CCDC178: variants seen among roughly 807,000 people sequenced by gnomAD.
The protein encoded by CCDC178 is coiled-coil domain-containing protein 178.
Under a neutral mutation model 117.4 loss-of-function variants are expected in CCDC178, and 126 were observed. The observed-to-expected ratio is 1.07, with a 90% CI of 0.93 to 1.24. The LOEUF (loss-of-function observed/expected upper bound fraction) is 1.24. Among genes scored for constraint, CCDC178 ranks in the 50% most tolerant of loss-of-function variants. The probability of loss-of-function intolerance (pLI) is 0.00; values close to 1 mark genes in which losing one functional copy is unlikely to be tolerated. For missense variants in CCDC178, 1,030 were observed against 986.9 expected, an observed-to-expected ratio of 1.04 and a Z score of -0.59; for synonymous variants, 283 against 313.4, an observed-to-expected ratio of 0.90 and a Z score of 1.02.
chr18:33,266,991 G>A lies in CCDC178; in HGVS notation c.1334C>T (p.Ala445Val). Residue 445 changes from alanine to valine, a missense_variant, in exon 14 of 23, where the codon GCA becomes GTA. Physicochemically the swap from Ala to Val is moderately conservative, Grantham distance 64. Transcript: ENST00000383096. ...VAKDFSAISLACTKLTEDNKK... is the reference protein window; with the variant it reads ...VAKDFSAISLVCTKLTEDNKK... The stretch of plus-strand genomic sequence containing the variant: ...ATTGTCTTCCGTCAGTTTTGTACAT[G>A]CCAAAGAAATAGCTGAAAAATCTTT... 1 of 1,601,530 alleles carries A rather than the reference G, an allele frequency of 6.2e-7. No homozygotes were observed. The highest frequency in any genetic ancestry group is 8.5e-7 in the Non-Finnish European group (1 of 1,176,382).
chr18:33,078,650 G>C (rs1156751996), intron 21 of CCDC178, among the ~76,000 whole-genome samples: 3 of 152,070 alleles, frequency 2.0e-5, no homozygotes, highest in African/African-American at 7.2e-5. Flanking sequence ...GCCATGCTGA[G>C]AGCCAAATCA....
At chr18:33,164,629 G>A (rs1402199002) in intron 20 of CCDC178, among the ~76,000 whole-genome samples, 3 of 151,768 alleles carry the variant, frequency 2.0e-5, no homozygotes, top group East Asian at 1.9e-4. Context: ...AAGAAGGGCA[G>A]TGTTTAACAT....
chr18:33,167,507 T>C (rs2058547321), intron 20 of CCDC178, among the ~76,000 whole-genome samples: 1 of 152,164 alleles, frequency 6.6e-6, no homozygotes, highest in Non-Finnish European at 1.5e-5. Context: ...ATTTCTCTAA[T>C]GACTAGTGAT....
intron 20 of CCDC178, among the ~76,000 whole-genome samples, chr18:33,125,597 C>T (rs182395846): frequency 1.3e-5 from 2 of 152,234 alleles, no homozygotes; most frequent in Admixed American, 6.5e-5. Flanking sequence ...TTGAGTGTCT[C>T]CTCTGGCTGT....
intron 9 of CCDC178, among the ~76,000 whole-genome samples, chr18:33,337,327 A>G (rs2062754026): frequency 6.6e-6 from 1 of 152,016 alleles, no homozygotes; most frequent in South Asian, 2.1e-4. Flanking sequence ...AAGGTTTTCT[A>G]TGTATACGCT....
intron 11 of CCDC178, among the ~76,000 whole-genome samples, chr18:33,299,502 A>AACACAC (rs71159812): frequency 0.062 from 8,991 of 146,004 alleles, 293 homozygotes; most frequent in Middle Eastern, 0.076. Flanking sequence ...AACTAGTATA[A>AACACAC]ACACACACAC....
At chr18:33,304,944 T>C (rs893307367) in intron 11 of CCDC178, among the ~76,000 whole-genome samples, 3 of 152,186 alleles carry the variant, frequency 2.0e-5, no homozygotes, top group African/African-American at 7.2e-5. Flanking sequence ...TTCAACCTCT[T>C]CATTTTTGCT....
chr18:33,124,373 G>A (rs915316370), intron 20 of CCDC178, among the ~76,000 whole-genome samples: 3 of 152,118 alleles, frequency 2.0e-5, no homozygotes, highest in Admixed American at 1.3e-4. Context: ...TCCTGATTCC[G>A]GGGCCATGGG....
intron 20 of CCDC178, among the ~76,000 whole-genome samples, chr18:33,118,610 A>C (rs1415326850): frequency 6.6e-6 from 1 of 152,186 alleles, no homozygotes; most frequent in African/African-American, 2.4e-5. Context: ...GAAAATGGCC[A>C]TACTGCCCAA....
chr18:33,154,948 TTG>T (rs940650576), intron 20 of CCDC178, among the ~76,000 whole-genome samples: 2 of 152,096 alleles, frequency 1.3e-5, no homozygotes. Flanking sequence ...TCAACACCTC[TTG>T]TCCAGTAATT....
intron 21 of CCDC178, among the ~76,000 whole-genome samples, chr18:33,008,197 C>T (rs1045196773): frequency 3.3e-5 from 5 of 152,130 alleles, no homozygotes; most frequent in African/African-American, 1.2e-4. Context: ...TTTCAATCCC[C>T]AAGCCAATAC....
At chr18:33,274,363 A>G (rs906203706) in intron 12 of CCDC178, among the ~76,000 whole-genome samples, 4 of 151,992 alleles carry the variant, frequency 2.6e-5, no homozygotes, top group Non-Finnish European at 5.9e-5. Flanking sequence ...TCAAAATGTT[A>G]AACATAGAAC....
At chr18:32,990,768 T>C (rs1819810438) in intron 21 of CCDC178, among the ~76,000 whole-genome samples, 1 of 151,968 alleles carries the variant, frequency 6.6e-6, no homozygotes, top group South Asian at 2.1e-4. Flanking sequence ...ATTTGCTACA[T>C]ATATAATCAA....
At position 32,948,842 on chromosome 18, in the gene CCDC178, C is replaced by T. The variant is rs148879563; in HGVS notation, c.2524-10751G>A. 5.3e-5 allele frequency among the ~76,000 whole-genome samples: 8 copies of T among 152,056 alleles called. No homozygotes were observed. The East Asian group carries it at 1.5e-3, about 29-fold the overall frequency. ...CCTTCATGTCATTATCATTTGGGAG[C>T]CAATCATTCGCTTCAGGAGACCTGT... On this transcript the variant is annotated intron_variant, in intron 22 of 22. Coordinates refer to ENST00000383096, the MANE Select transcript of CCDC178 (RefSeq NM_001105528.4).
intron 20 of CCDC178, among the ~76,000 whole-genome samples, chr18:33,094,977 TGTTTAA>T (rs1318148108): frequency 3.3e-5 from 5 of 151,994 alleles, no homozygotes; most frequent in Non-Finnish European, 5.9e-5. Context: ...ACACTGAAAA[TGTTTAA>T]GTTTAATTGA....
intron 2 of CCDC178, among the ~76,000 whole-genome samples, chr18:33,427,690 A>G (rs765987540): frequency 5.7e-4 from 87 of 152,300 alleles, no homozygotes; most frequent in Non-Finnish European, 1.1e-3. Flanking sequence ...ATATAAATCA[A>G]ATTAGAACTC....
At chr18:33,105,845 G>GAACACAGCT (rs2145116261) in intron 20 of CCDC178, among the ~76,000 whole-genome samples, 1 of 151,480 alleles carries the variant, frequency 6.6e-6, no homozygotes, top group South Asian at 2.1e-4. Flanking sequence ...TTGCTAAGCT[G>GAACACAGCT]TGTTCTCACA....
chr18:33,419,415 C>T (rs893181420), intron 2 of CCDC178, among the ~76,000 whole-genome samples: 3 of 152,140 alleles, frequency 2.0e-5, no homozygotes. Flanking sequence ...AAAGCAATTG[C>T]AACAAAAATT....
intron 20 of CCDC178, among the ~76,000 whole-genome samples, chr18:33,171,362 G>C (rs1598958461): frequency 2.0e-5 from 3 of 152,264 alleles, no homozygotes; most frequent in Admixed American, 2.0e-4. Flanking sequence ...TCCTAAAGTA[G>C]GTATTGTGAA....
Sources: allele counts gnomAD v4.1 joint callset (sites outside exome capture counted in the v4.1 genomes callset), GRCh38; gene constraint gnomAD v4.1.1; transcripts MANE v1.5; gene names NCBI Gene and HGNC (gene_info 2026-07-23, HGNC 2026-07-21).